Variants in ZNF765 observed in about 807,000 individuals in gnomAD.
ZNF765 encodes zinc finger protein 765.
In ZNF765, 37 loss-of-function variants were observed where a neutral mutation model predicts 44.7. The ratio of observed to expected loss-of-function variants is 0.83; its 90% confidence interval spans 0.64 to 1.09. The LOEUF is 1.09. ZNF765 is among the 50% of genes least tolerant of loss of function. The pLI is 0.00. For missense variants in ZNF765, 594 were observed against 626.1 expected (o/e 0.95, Z 0.55); for synonymous variants, 201 against 213.7 (o/e 0.94, Z 0.52).
chr19:53,399,650 C>T (rs1324191721), intron 2 of ZNF765, among the ~76,000 whole-genome samples: 3 of 150,876 alleles, frequency 2.0e-5, no homozygotes, highest in Admixed American at 6.6e-5. Context: ...CACTGCACCC[C>T]AGCCTGGGCA....
intron 3 of ZNF765, among the ~76,000 whole-genome samples, chr19:53,406,695 A>T (rs1278081465): frequency 2.0e-5 from 3 of 152,192 alleles, no homozygotes; most frequent in African/African-American, 7.2e-5. Flanking sequence ...TGGCTGGATC[A>T]CTTGAGGTCA....
chr19:53,418,854 G>T (rs1016579849), intron 3 of ZNF765, among the ~76,000 whole-genome samples: 1 of 144,154 alleles, frequency 6.9e-6, no homozygotes, highest in Non-Finnish European at 1.5e-5. Context: ...GCTGTGAGCC[G>T]AGATCACTCT....
downstream of ZNF765, among the ~76,000 whole-genome samples, chr19:53,414,827 G>A (rs1280327587): frequency 6.6e-6 from 1 of 151,838 alleles, no homozygotes; most frequent in African/African-American, 2.4e-5. Context: ...CACATGGTGT[G>A]ATGTGTGCTC....
chr19:53,395,239 C>A (rs957369901), intron 1 of ZNF765, 46 bp downstream of exon 1: 10 of 152,412 alleles, frequency 6.6e-5, no homozygotes, highest in African/African-American at 2.4e-4. Context: ...TCCCAGGTCC[C>A]TGGCGCTTCT....
intron 3 of ZNF765, among the ~76,000 whole-genome samples, chr19:53,404,633 G>GTT: frequency 6.6e-6 from 1 of 151,946 alleles, no homozygotes; most frequent in Non-Finnish European, 1.5e-5. Context: ...GTGTGTGTGT[G>GTT]TGTGTTTGTG....
In ZNF765 at chr19:53,407,709, A is replaced by G; in HGVS notation, c.154A>G (p.Lys52Glu). 6.4e-7 allele frequency: 1 copy of G among 1,550,852 alleles called. No individual in the cohort carries two copies. The highest frequency in any genetic ancestry group is 1.3e-5 in the South Asian group (1 of 79,398). Reference sequence around the variant, plus strand: ...TGTATACTTTTTAGATATCTCTTCCAAATGCATGATGAAGGAGTTCTCGTC... The same window carrying G: ...TGTATACTTTTTAGATATCTCTTCCGAATGCATGATGAAGGAGTTCTCGTC... ...RNLVSLDISSKCMMKEFSSTA... is the reference protein window; with the variant it reads ...RNLVSLDISSECMMKEFSSTA... Residue 52 changes from lysine to glutamate, a missense_variant, in exon 4 of 4, where the codon AAA becomes GAA. This residue lies in a region of ZNF765 where 567 missense variants were observed against 572.6 expected (regional missense o/e 0.99). Transcript: ENST00000396408.
intron 3 of ZNF765, among the ~76,000 whole-genome samples, chr19:53,418,626 G>C (rs1000672592): frequency 2.0e-5 from 3 of 152,096 alleles, no homozygotes; most frequent in Non-Finnish European, 2.9e-5. Flanking sequence ...GCCGGGCATC[G>C]GGGCTCATGC....
At chr19:53,418,671 G>C (rs1024153088) in intron 3 of ZNF765, among the ~76,000 whole-genome samples, 9 of 151,974 alleles carry the variant, frequency 5.9e-5, no homozygotes, top group East Asian at 1.9e-4. Flanking sequence ...CCAATGGTGG[G>C]GGGGGCGGTG....
chr19:53,414,262 G>C (rs1426965040), downstream of ZNF765, among the ~76,000 whole-genome samples: 1 of 70,072 alleles, frequency 1.4e-5, no homozygotes, highest in African/African-American at 4.7e-5. Flanking sequence ...AAAGAAACTT[G>C]CAGCAAACAT....
Position 53,409,417 on chromosome 19 carries a change from A to G in ZNF765, c.*290A>G. On this transcript the variant is annotated 3_prime_UTR_variant, in exon 4 of 4. Transcript: ENST00000396408. ...TTTCTGTTTCAAATCCAACCTTGAA[A>G]GACATAGGAGAATTCACACTGGTGA... 1 of 844,814 alleles carries G rather than the reference A, an allele frequency of 1.2e-6. No individual in the cohort carries two copies. The highest frequency in any genetic ancestry group is 2.1e-6 in the Non-Finnish European group (1 of 484,826). 52.3% of individuals were successfully genotyped at this position (844,814 alleles called of 1,614,324 possible).
At chr19:53,398,066 T>G in intron 2 of ZNF765, 36 bp downstream of exon 2, 2 of 1,613,868 alleles carry the variant, frequency 1.2e-6, no homozygotes, top group South Asian at 2.2e-5. Flanking sequence ...TTCTGTCTCC[T>G]TCTTTTCAGA....
intron 3 of ZNF765, among the ~76,000 whole-genome samples, chr19:53,403,949 G>A (rs1230759818): frequency 2.0e-5 from 3 of 151,578 alleles, no homozygotes; most frequent in African/African-American, 7.3e-5. Flanking sequence ...TGTTGCATTC[G>A]CATTAACATA....
At position 53,410,948 on chromosome 19, in the gene ZNF765, C is replaced by G. The variant is rs915356073; in HGVS notation, c.*1821C>G. ...ATAAATGTCATCAGTGTGCCAAAGT[C>G]TTCAGTCTGAGCTCACTCCTTGCAG... On this transcript the variant is annotated 3_prime_UTR_variant, in exon 4 of 4. Transcript: ENST00000396408. 9.8e-6 allele frequency: 4 copies of G among 408,520 alleles called. No individual in the cohort carries two copies. Among genetic ancestry groups the G allele is most frequent in the African/African-American group, 8.3e-5 (4 of 48,004 alleles). 25.3% of individuals were successfully genotyped at this position (408,520 alleles called of 1,614,324 possible).
chr19:53,405,662 C>A lies in ZNF765; in HGVS notation c.143-2036C>A, dbSNP rs548626757. 3.4e-3 allele frequency among the ~76,000 whole-genome samples: 513 copies of A among 149,596 alleles called. 9 individuals carry two copies. Among genetic ancestry groups the A allele is most frequent in the African/African-American group, 0.012 (497 of 40,746 alleles). On this transcript the variant is annotated intron_variant, in intron 3 of 3. Transcript: ENST00000396408. ...AAGTCCTATTCACGAGTAGTCAACA[C>A]CCATGACCAAATTGTCTCAAAGGCC... is the stretch of plus-strand genomic sequence containing the variant.
intron 2 of ZNF765, among the ~76,000 whole-genome samples, chr19:53,399,621 C>T (rs1032731538): frequency 2.0e-5 from 3 of 151,348 alleles, no homozygotes; most frequent in African/African-American, 7.3e-5. Context: ...GCAGACATTG[C>T]AGTGAGCTGA....
chr19:53,422,131 G>A (rs745472885), intron 3 of ZNF765, among the ~76,000 whole-genome samples: 20 of 152,008 alleles, frequency 1.3e-4, no homozygotes, highest in Non-Finnish European at 1.3e-4. Flanking sequence ...AATGGAAACC[G>A]GTGAAAAATA....
At chr19:53,413,954 A>G (rs2085853040), downstream of ZNF765, among the ~76,000 whole-genome samples, 1 of 122,966 alleles carries the variant, frequency 8.1e-6, no homozygotes, top group South Asian at 2.9e-4. Context: ...AAAAAGCTAC[A>G]TAGAGGCCGG....
exon 4 of ZNF765, chr19:53,425,658 G>C (rs12978873): frequency 0.24 from 37,239 of 152,000 alleles, 4,868 homozygotes; most frequent in East Asian, 0.49. Context: ...AGTCACCAAC[G>C]TACGTGGATT....
At chr19:53,423,285 G>T (rs2085918554) in exon 4 of ZNF765, 1 of 667,512 alleles carries the variant, frequency 1.5e-6, no homozygotes, top group Non-Finnish European at 2.7e-6. Context: ...AAAAGATCTG[G>T]GATACTGTTC....
Sources: allele counts gnomAD v4.1 joint callset (sites outside exome capture counted in the v4.1 genomes callset), GRCh38; gene constraint gnomAD v4.1.1; regional missense constraint gnomAD v4.1.1; transcripts MANE v1.5; gene names NCBI Gene and HGNC (gene_info 2026-07-23, HGNC 2026-07-21).